ADGRV1: variants seen among roughly 807,000 people sequenced by gnomAD.
The protein encoded by ADGRV1 is adhesion G protein-coupled receptor V1.
In ADGRV1, 359 loss-of-function variants were observed where a neutral mutation model predicts 596.2. The ratio of observed to expected loss-of-function variants is 0.60; its 90% CI spans 0.55 to 0.66. The LOEUF is 0.66. ADGRV1 is among the 30% of genes least tolerant of loss of function. ADGRV1 has a pLI of 0.00. For synonymous variants in ADGRV1, 2,681 were observed against 2,679.2 expected (o/e 1.00, Z -0.02); for missense variants, 7,274 against 7,575.6 (o/e 0.96, Z 1.48).
Position 90,658,054 on chromosome 5 carries a change from A to G in ADGRV1, c.4528A>G (p.Ile1510Val), listed in dbSNP as rs1255680006. Reference protein sequence around the residue: ...AMPAKSDLHPISGYLEFRQGE... With the variant: ...AMPAKSDLHPVSGYLEFRQGE... ...GCCCGCAAAAAGTGATTTACACCCA[A>G]TTTCTGGATATCTGGAGTTCAGACA... Residue 1510 changes from isoleucine (I) to valine (V), a missense_variant, in exon 21 of 90, where the codon ATT becomes GTT. Physicochemically the swap from Ile to Val is conservative, Grantham distance 29. Transcript: ENST00000405460. The G allele has an allele frequency of 2.5e-6, 4 of 1,613,956 alleles. No individual in the cohort carries two copies. The highest frequency in any genetic ancestry group is 3.3e-5 in the Admixed American group (2 of 60,014).
At chr5:90,809,199 G>A (rs1004184826) in intron 73 of ADGRV1, among the ~76,000 whole-genome samples, 4 of 150,512 alleles carry the variant, frequency 2.7e-5, no homozygotes, top group Admixed American at 1.3e-4. Flanking sequence ...CTCGTGATCC[G>A]CCCACCTCGG....
chr5:91,119,397 G>A (rs1170085080), intron 87 of ADGRV1, among the ~76,000 whole-genome samples: 1 of 152,132 alleles, frequency 6.6e-6, no homozygotes, highest in Non-Finnish European at 1.5e-5. Flanking sequence ...CCACTGCTGT[G>A]CAGTCCACGG....
In ADGRV1 at chr5:90,855,111, T is replaced by C. The variant is rs557974200; in HGVS notation, c.17595-630T>C. Among the ~76,000 whole-genome samples, 148 of 152,282 alleles carry C rather than the reference T, an allele frequency of 9.7e-4. No individual in the cohort carries two copies. In the Middle Eastern group the frequency reaches 0.01, roughly 11 times the overall value. ...TAAGAGGCATTTTAAGGGAAGAGGC[T>C]CAAGTGATAGTCACTGAGGAAGGCT... On this transcript the variant is annotated intron_variant, in intron 81 of 89. Transcript: ENST00000405460.
intron 63 of ADGRV1, 41 bp from the exon 64 acceptor site, chr5:90,778,824 A>G (rs1358707618): frequency 2.0e-6 from 3 of 1,513,122 alleles, no homozygotes; most frequent in East Asian, 2.3e-5. Context: ...TGTCTGGTAG[A>G]TTAAACATCC....
intron 49 of ADGRV1, 141 bp from the exon 50 acceptor site, chr5:90,729,501 A>G (rs1185314642): frequency 7.8e-6 from 5 of 642,292 alleles, no homozygotes; most frequent in East Asian, 5.7e-5. Context: ...AGTACTTCCT[A>G]TTAACTTGTA....
In ADGRV1 at chr5:90,617,907, A is replaced by G. The variant is rs1189997776; in HGVS notation, c.311A>G (p.Asp104Gly). 1 of 1,594,394 alleles carries G rather than the reference A, an allele frequency of 6.3e-7. No homozygotes were observed. ...RTVYIAVCDD[D>G]LPEPDETFIF... ...GTGTACATAGCAGTATGTGATGATG[A>G]CTTACCAGAGCCTGACGAAACTTTT... Residue 104 changes from aspartate (D) to glycine (G), a missense_variant, in exon 3 of 90, where the codon GAC becomes GGC. Asp to Gly is a moderately conservative substitution (Grantham distance 94). This residue lies in a region of ADGRV1 where 1,715 missense variants were observed against 1,708.8 expected (regional missense o/e 1.00). Coordinates refer to ENST00000405460, the MANE Select transcript of ADGRV1 (RefSeq NM_032119.4).
chr5:90,915,164 C>T (rs569736613), intron 83 of ADGRV1, among the ~76,000 whole-genome samples: 1 of 152,198 alleles, frequency 6.6e-6, no homozygotes, highest in East Asian at 1.9e-4. Context: ...CTAGAAAATG[C>T]TCACTTATCC....
intron 85 of ADGRV1, among the ~76,000 whole-genome samples, chr5:91,040,594 T>A (rs543929808): frequency 1.3e-5 from 2 of 152,238 alleles, no homozygotes; most frequent in Non-Finnish European, 2.9e-5. Flanking sequence ...GGTATCATCA[T>A]ACATACATGG....
rs200412477 is a variant in ADGRV1, at chr5:90,716,648, A to G, written c.9366A>G (p.Thr3122=). 1.8e-3 allele frequency: 2,890 copies of G among 1,613,346 alleles called. 62 individuals are homozygous for G. The South Asian group carries it at 0.03, about 17-fold the overall frequency. Residue 3122 remains threonine, a synonymous_variant, in exon 43 of 90, where the codon ACA becomes ACG. Coordinates refer to ENST00000405460, the MANE Select transcript of ADGRV1 (RefSeq NM_032119.4). The part of the protein sequence containing the change: ...FGTVTVQFIV[T]EVNSSNESKD... ...CAGTGACAGTTCAGTTCATTGTGAC[A>G]GAAGTGAATTCCTCAAATGAATCTA...
intron 70 of ADGRV1, among the ~76,000 whole-genome samples, chr5:90,800,113 A>G (rs1309978406): frequency 6.6e-6 from 1 of 152,212 alleles, no homozygotes; most frequent in African/African-American, 2.4e-5. Flanking sequence ...CTGCACAGCA[A>G]AAGAAACTAT....
intron 83 of ADGRV1, among the ~76,000 whole-genome samples, chr5:90,900,946 G>T (rs1771779328): frequency 1.4e-5 from 2 of 138,300 alleles, no homozygotes; most frequent in Non-Finnish European, 3.0e-5. Context: ...TTTGTTTTCA[G>T]ATTTTTTCCC....
chr5:90,661,875 T>C (rs1460414644), intron 21 of ADGRV1, among the ~76,000 whole-genome samples: 1 of 152,222 alleles, frequency 6.6e-6, no homozygotes, highest in Non-Finnish European at 1.5e-5. Flanking sequence ...CTATGTCTTA[T>C]GCATTTCTGT....
intron 50 of ADGRV1, among the ~76,000 whole-genome samples, chr5:90,743,786 A>G (rs897291591): frequency 1.3e-5 from 2 of 151,620 alleles, no homozygotes; most frequent in African/African-American, 2.4e-5. Flanking sequence ...TGATATATTT[A>G]TGTTCCAATG....
At chr5:90,730,345 AAAT>A (rs2149823382) in intron 50 of ADGRV1, among the ~76,000 whole-genome samples, 1 of 152,358 alleles carries the variant, frequency 6.6e-6, no homozygotes, top group East Asian at 1.9e-4. Context: ...TGAAGAATGA[AAAT>A]AATATATTTC....
chr5:91,006,448 TTTATTA>T (rs1298166678), intron 85 of ADGRV1, among the ~76,000 whole-genome samples: 1 of 152,200 alleles, frequency 6.6e-6, no homozygotes, highest in Non-Finnish European at 1.5e-5. Flanking sequence ...ATAAAGTAAC[TTTATTA>T]TTAGTTGTCA....
intron 24 of ADGRV1, 147 bp downstream of exon 24, chr5:90,675,592 T>C: frequency 1.3e-6 from 1 of 777,928 alleles, no homozygotes; most frequent in Non-Finnish European, 2.1e-6. Context: ...GAGGATTGCT[T>C]GAGGCCACCA....
chr5:90,816,775 T>C (rs1762940735), intron 75 of ADGRV1, among the ~76,000 whole-genome samples: 1 of 151,798 alleles, frequency 6.6e-6, no homozygotes, highest in Admixed American at 6.6e-5. Context: ...TATTCCATGG[T>C]GTATATGTGC....
intron 84 of ADGRV1, among the ~76,000 whole-genome samples, chr5:90,980,917 G>A (rs917003623): frequency 2.0e-5 from 3 of 152,122 alleles, no homozygotes; most frequent in Non-Finnish European, 4.4e-5. Context: ...ATTCAATATC[G>A]TTTTATTGTA....
chr5:90,824,832 A>G lies in ADGRV1; in HGVS notation c.16368+1236A>G, dbSNP rs536809010. Among the ~76,000 whole-genome samples, 7 of 152,318 alleles carry G rather than the reference A, an allele frequency of 4.6e-5. No homozygotes were observed. In the South Asian group the frequency reaches 1.2e-3, roughly 27 times the overall value. On this transcript the variant is annotated intron_variant, in intron 76 of 89. Coordinates refer to ENST00000405460, the MANE Select transcript of ADGRV1 (RefSeq NM_032119.4). The stretch of plus-strand genomic sequence containing the variant: ...AAGTTGCTGTTTCCAAGAACCTGTC[A>G]TGGTTAAGTGAAGACTTACTGTATT...
Sources: gnomAD v4.1 joint callset for allele counts (sites outside exome capture counted in the v4.1 genomes callset) on GRCh38, gnomAD v4.1.1 for gene constraint, gnomAD v4.1.1 regional missense constraint, MANE v1.5 for transcripts, NCBI Gene and HGNC (gene_info 2026-07-23, HGNC 2026-07-21) for gene names.